TUBA1C: variants seen among roughly 807,000 people sequenced by gnomAD.
TUBA1C encodes tubulin alpha 1c.
Under a neutral mutation model 34.9 loss-of-function variants are expected in TUBA1C, and 16 were observed. The ratio of observed to expected loss-of-function variants is 0.46; its 90% confidence interval spans 0.31 to 0.70. The LOEUF (loss-of-function observed/expected upper bound fraction) is 0.70. TUBA1C is among the 30% of genes least tolerant of loss of function. TUBA1C has a pLI of 0.05. For synonymous variants in TUBA1C, 177 were observed against 215.9 expected, an observed-to-expected ratio of 0.82 and a Z score of 1.58; for missense variants, 329 against 587.3, an observed-to-expected ratio of 0.56 and a Z score of 4.55.
At chr12:49,243,423 A>C (rs1444222818) in intron 1 of TUBA1C, among the ~76,000 whole-genome samples, 1 of 152,026 alleles carries the variant, frequency 6.6e-6, no homozygotes, top group East Asian at 1.9e-4. Context: ...CCTGGGTGAC[A>C]GTGTGAGACT....
At position 49,269,513 on chromosome 12, in the gene TUBA1C, A is replaced by G; in HGVS notation, c.52A>G (p.Asn18Asp). 6.2e-7 allele frequency: 1 copy of G among 1,614,192 alleles called. No homozygotes were observed. The highest frequency in any genetic ancestry group is 8.5e-7 in the Non-Finnish European group (1 of 1,180,028). ...TGGCCAGGCTGGTGTCCAGATTGGC[A>G]ATGCCTGCTGGGAGCTCTACTGCCT... ...HVGQAGVQIG[N>D]ACWELYCLEH... The change falls in exon 2 of 4, where the codon AAT becomes GAT. Residue 18 changes from asparagine to aspartate, a missense_variant. Asn to Asp is a conservative substitution (Grantham distance 23, BLOSUM62 1). Coordinates refer to ENST00000301072, the MANE Select transcript of TUBA1C (RefSeq NM_032704.5).
rs774916564 is a variant in TUBA1C, at chr12:49,269,912, C to T, written c.311C>T (p.Ala104Val). The T allele has an allele frequency of 1.2e-6, 2 of 1,614,168 alleles. No homozygotes were observed. Among genetic ancestry groups the T allele is most frequent in the Non-Finnish European group, 1.7e-6 (2 of 1,180,044 alleles). ...AAGGAAGATGCTGCCAATAACTATG[C>T]CCGAGGGCACTACACCATTGGCAAG... ...TGKEDAANNY[A>V]RGHYTIGKEI... is the part of the protein sequence containing the mutation. Residue 104 changes from alanine to valine, a missense_variant, in exon 3 of 4, where the codon GCC (alanine) becomes GTC (valine). By Grantham distance (64) the Ala-to-Val change is moderately conservative (BLOSUM62 0). Coordinates refer to ENST00000301072, the MANE Select transcript of TUBA1C (RefSeq NM_032704.5).
At chr12:49,234,855 T>G (rs982591783) in intron 1 of TUBA1C, among the ~76,000 whole-genome samples, 1 of 152,228 alleles carries the variant, frequency 6.6e-6, no homozygotes, top group African/African-American at 2.4e-5. Flanking sequence ...ATTGCTTTTG[T>G]TGCCCAGGCT....
At chr12:49,264,978 C>T (rs987878152), upstream of TUBA1C, 21 of 670,192 alleles carry the variant, frequency 3.1e-5, no homozygotes, top group African/African-American at 3.2e-4. Context: ...GGCCAGGGCT[C>T]GAAGGTGGGG....
intron 1 of TUBA1C, among the ~76,000 whole-genome samples, chr12:49,267,808 T>G (rs1040106612): frequency 1.3e-5 from 2 of 151,788 alleles, no homozygotes; most frequent in African/African-American, 4.8e-5. Flanking sequence ...GGGAAGGAGG[T>G]CAAAGGTTGT....
intron 3 of TUBA1C, 177 bp downstream of exon 3, chr12:49,270,153 T>A: frequency 1.5e-6 from 2 of 1,328,074 alleles, no homozygotes; most frequent in Non-Finnish European, 2.1e-6. Flanking sequence ...ATGGGACAAC[T>A]ATGGGGTAGA....
intron 1 of TUBA1C, among the ~76,000 whole-genome samples, chr12:49,240,987 T>C (rs866411704): frequency 6.6e-6 from 1 of 151,896 alleles, no homozygotes. Context: ...CTGTAATCTC[T>C]GCCTCCTGGG....
intron 1 of TUBA1C, among the ~76,000 whole-genome samples, chr12:49,267,724 G>A (rs1357848679): frequency 6.6e-6 from 1 of 152,228 alleles, no homozygotes; most frequent in East Asian, 1.9e-4. Flanking sequence ...CTGGAGCTGG[G>A]TGAGTAGACC....
intron 1 of TUBA1C, among the ~76,000 whole-genome samples, chr12:49,266,976 A>G (rs1006099829): frequency 6.6e-6 from 1 of 152,238 alleles, no homozygotes; most frequent in Non-Finnish European, 1.5e-5. Context: ...GAGACCCTTT[A>G]AAAAGCAGGA....
intron 1 of TUBA1C, among the ~76,000 whole-genome samples, chr12:49,231,595 T>C (rs1043549681): frequency 6.6e-6 from 1 of 152,180 alleles, no homozygotes; most frequent in Non-Finnish European, 1.5e-5. Flanking sequence ...TTAATCTCCT[T>C]AACACTGGAG....
intron 1 of TUBA1C, among the ~76,000 whole-genome samples, chr12:49,266,881 T>G (rs772301966): frequency 1.3e-5 from 2 of 152,122 alleles, no homozygotes; most frequent in Non-Finnish European, 1.5e-5. Flanking sequence ...TGTAAATACA[T>G]GTATATGTCG....
chr12:49,228,209 C>G (rs997948036), intron 1 of TUBA1C: 29 of 1,519,738 alleles, frequency 1.9e-5, no homozygotes, highest in Non-Finnish European at 2.5e-5. Context: ...CTTCATCATG[C>G]ACGGCTTGGA....
Position 49,272,792 on chromosome 12 carries a change from T to C in TUBA1C, c.915T>C (p.Cys305=), listed in dbSNP as rs1430719261. ...AGCCAGCCAACCAGATGGTGAAATG[T>C]GACCCTCGCCATGGTAAATACATGG... ...CFEPANQMVK[C]DPRHGKYMAC... The change falls in exon 4 of 4, where the codon TGT becomes TGC. Residue 305 remains cysteine, a synonymous_variant. Coordinates refer to ENST00000301072, the MANE Select transcript of TUBA1C (RefSeq NM_032704.5). 1.9e-6 allele frequency: 3 copies of C among 1,614,022 alleles called. No homozygotes were observed.
At chr12:49,234,373 G>C (rs1232843754) in intron 1 of TUBA1C, among the ~76,000 whole-genome samples, 1 of 152,244 alleles carries the variant, frequency 6.6e-6, no homozygotes, top group Non-Finnish European at 1.5e-5. Flanking sequence ...ACCCTGTTTA[G>C]CTGTGGCAAG....
chr12:49,268,111 G>C (rs1015827489), intron 1 of TUBA1C, among the ~76,000 whole-genome samples: 10 of 144,774 alleles, frequency 6.9e-5, no homozygotes, highest in African/African-American at 2.6e-4. Context: ...CACACACACA[G>C]ACACAGACAC....
intron 1 of TUBA1C, among the ~76,000 whole-genome samples, chr12:49,266,742 G>C (rs1203752403): frequency 6.6e-6 from 1 of 151,976 alleles, no homozygotes; most frequent in Non-Finnish European, 1.5e-5. Context: ...CCAGCTTCTC[G>C]GGAGGCAGGG....
intron 1 of TUBA1C, among the ~76,000 whole-genome samples, chr12:49,245,993 G>A (rs867190309): frequency 2.0e-5 from 3 of 152,034 alleles, no homozygotes; most frequent in African/African-American, 4.8e-5. Context: ...CAACCTCAGC[G>A]TCCCAAGTTC....
intron 1 of TUBA1C, among the ~76,000 whole-genome samples, chr12:49,258,371 T>A (rs1456636088): frequency 6.6e-6 from 1 of 152,076 alleles, no homozygotes; most frequent in African/African-American, 2.4e-5. Context: ...CCCAGGAGTT[T>A]GTGAGCAGCC....
rs1186454135 is a variant in TUBA1C, at chr12:49,272,453, C to T, written c.576C>T (p.His192=). The stretch of plus-strand genomic sequence containing the variant: ...CCTACAACTCCATCCTCACCACCCA[C>T]ACCACCCTGGAGCACTCTGATTGTG... ...VEPYNSILTT[H]TTLEHSDCAF... Residue 192 remains histidine (H), a synonymous_variant, in exon 4 of 4, where the codon CAC becomes CAT. Coordinates refer to ENST00000301072, the MANE Select transcript of TUBA1C (RefSeq NM_032704.5). 6 of 1,613,046 alleles carry T rather than the reference C, an allele frequency of 3.7e-6. No individual in the cohort carries two copies. The Admixed American group carries it at 5.0e-5, about 13-fold the overall frequency.
Sources: gnomAD v4.1 joint callset for allele counts (sites outside exome capture counted in the v4.1 genomes callset) on GRCh38, gnomAD v4.1.1 for gene constraint, MANE v1.5 for transcripts, NCBI Gene and HGNC (gene_info 2026-07-23, HGNC 2026-07-21) for gene names.